Variants in PCDHA13 observed in about 807,000 individuals in gnomAD.
PCDHA13 encodes protocadherin alpha-13.
In PCDHA13, 54 loss-of-function variants were observed where a neutral mutation model predicts 64.8. That is an observed-to-expected ratio of 0.83 (90% CI 0.67 to 1.04). The LOEUF (loss-of-function observed/expected upper bound fraction) is 1.04. Ranked by LOEUF, PCDHA13 falls within the 50% of genes least tolerant of loss-of-function variation. The pLI is 0.00. For synonymous variants in PCDHA13, 587 were observed against 564.4 expected, an observed-to-expected ratio of 1.04 and a Z score of -0.57; for missense variants, 1,248 against 1,254.3, an observed-to-expected ratio of 0.99 and a Z score of 0.08.
chr5:140,914,915 T>G (rs1037949691), intron 1 of PCDHA13, among the ~76,000 whole-genome samples: 8 of 151,746 alleles, frequency 5.3e-5, no homozygotes, highest in Non-Finnish European at 1.0e-4. Context: ...TTTCTCTGTG[T>G]CTTATTGTAC....
intron 1 of PCDHA13, among the ~76,000 whole-genome samples, chr5:140,942,287 G>A (rs1468201947): frequency 1.3e-5 from 2 of 152,102 alleles, no homozygotes; most frequent in African/African-American, 4.8e-5. Context: ...GCTCATGCCT[G>A]TAATCCTAGC....
chr5:140,952,857 G>T (rs2094808262), intron 1 of PCDHA13, among the ~76,000 whole-genome samples: 1 of 152,120 alleles, frequency 6.6e-6, no homozygotes, highest in Non-Finnish European at 1.5e-5. Context: ...TTCTGGGGAG[G>T]CCTCAGGAAA....
intron 3 of PCDHA13, among the ~76,000 whole-genome samples, chr5:140,998,396 T>A (rs2097810780): frequency 6.6e-6 from 1 of 152,212 alleles, no homozygotes. Flanking sequence ...ATGCCATCTT[T>A]ATGCCAAAGT....
intron 3 of PCDHA13, among the ~76,000 whole-genome samples, chr5:141,009,296 T>A (rs889577032): frequency 3.3e-4 from 50 of 152,004 alleles, no homozygotes; most frequent in Non-Finnish European, 5.3e-4. Context: ...TTCTATAAAA[T>A]TTTTTTTAAA....
chr5:140,931,693 A>G (rs1001252056), intron 1 of PCDHA13, among the ~76,000 whole-genome samples: 1 of 152,004 alleles, frequency 6.6e-6, no homozygotes, highest in African/African-American at 2.4e-5. Context: ...ATTGTGATTC[A>G]TAAAACCATG....
Position 140,882,844 on chromosome 5 carries a change from A to G in PCDHA13, c.576A>G (p.Leu192=). 6.2e-7 allele frequency: 1 copy of G among 1,614,248 alleles called. No individual in the cohort carries two copies. Among genetic ancestry groups the G allele is most frequent in the Non-Finnish European group, 8.5e-7 (1 of 1,180,050 alleles). The part of the protein sequence containing the change: ...AQNSLEQMSS[L]SLVLRKTLDR... ...ACAGTCTTGAGCAAATGTCTTCATTATCACTTGTACTGAGGAAAACACTGG... is the reference window on the plus strand; with the variant it reads ...ACAGTCTTGAGCAAATGTCTTCATTGTCACTTGTACTGAGGAAAACACTGG... The change falls in exon 1 of 4, where the codon TTA becomes TTG. Residue 192 remains leucine (L), a synonymous_variant. Coordinates refer to ENST00000289272, the MANE Select transcript of PCDHA13 (RefSeq NM_018904.3).
At chr5:140,888,108 T>C (rs1554183322) in intron 1 of PCDHA13, among the ~76,000 whole-genome samples, 1 of 152,248 alleles carries the variant, frequency 6.6e-6, no homozygotes, top group Non-Finnish European at 1.5e-5. Flanking sequence ...CTTCTTTTAA[T>C]CTATCTTCTT....
chr5:140,969,998 G>A (rs1345371434), intron 1 of PCDHA13, among the ~76,000 whole-genome samples: 2 of 152,220 alleles, frequency 1.3e-5, no homozygotes, highest in Non-Finnish European at 2.9e-5. Flanking sequence ...GGCTGTCAGA[G>A]GGAGTGGATG....
rs1301631971 is a variant in PCDHA13, at chr5:141,011,367, C to G, written c.*1430C>G. ...CAATCTCCCATATGTATGCTGTATG[C>G]TATGCTAAGACTCCTGAAATATACT... On this transcript the variant is annotated 3_prime_UTR_variant, in exon 4 of 4. Transcript: ENST00000289272. The G allele has an allele frequency of 1.3e-5, 2 of 153,830 alleles. No homozygotes were observed. The highest frequency in any genetic ancestry group is 1.3e-4 in the Admixed American group (2 of 15,298). 9.5% of individuals were successfully genotyped at this position (153,830 alleles called of 1,614,324 possible). A position where few individuals can be genotyped will look rare whatever the true frequency, so the allele number is the denominator to read the frequency against.
chr5:140,927,478 C>T (rs959432734), intron 1 of PCDHA13: 12 of 1,613,944 alleles, frequency 7.4e-6, no homozygotes, highest in African/African-American at 1.3e-5. Flanking sequence ...TCGCGAACAG[C>T]GCGCCACCCA....
At chr5:140,959,407 G>A (rs1449444307) in intron 1 of PCDHA13, among the ~76,000 whole-genome samples, 3 of 152,052 alleles carry the variant, frequency 2.0e-5, no homozygotes, top group African/African-American at 7.2e-5. Flanking sequence ...ATAAAGTGTT[G>A]ATTGATCTGA....
chr5:141,009,880 C>T lies in PCDHA13; in HGVS notation c.2796C>T (p.Asn932=). ...AAAAGAAGAAAAAGAAGAAGGGTAACAAGACCCAGGAGAAAAAAGAGAAAG... is the reference window on the plus strand; with the variant it reads ...AAAAGAAGAAAAAGAAGAAGGGTAATAAGACCCAGGAGAAAAAAGAGAAAG... The part of the protein sequence containing the change: ...TKKKKKKKKG[N]KTQEKKEKGN... Residue 932 remains asparagine, a synonymous_variant, in exon 4 of 4, where the codon AAC becomes AAT. Transcript: ENST00000289272. 1 of 1,613,788 alleles carries T rather than the reference C, an allele frequency of 6.2e-7. No individual in the cohort carries two copies. The highest frequency in any genetic ancestry group is 8.5e-7 in the Non-Finnish European group (1 of 1,179,974).
chr5:140,933,244 A>G (rs1218658347), intron 1 of PCDHA13, among the ~76,000 whole-genome samples: 3 of 152,038 alleles, frequency 2.0e-5, no homozygotes, highest in African/African-American at 4.8e-5. Context: ...AGAAAGGACT[A>G]TAAACACAAA....
At chr5:140,944,003 C>T (rs1185007409) in intron 1 of PCDHA13, among the ~76,000 whole-genome samples, 1 of 152,038 alleles carries the variant, frequency 6.6e-6, no homozygotes, top group Admixed American at 6.6e-5. Flanking sequence ...CTACTGAGTA[C>T]CCCCCAAAAG....
At chr5:140,984,405 C>T (rs782109046) in intron 3 of PCDHA13, among the ~76,000 whole-genome samples, 1 of 152,114 alleles carries the variant, frequency 6.6e-6, no homozygotes, top group Non-Finnish European at 1.5e-5. Context: ...GAGAACCTAT[C>T]TTTTTTACAG....
rs1554175394 is a variant in PCDHA13 at position 140,882,740 on chromosome 5, T to A, written c.472T>A (p.Ser158Thr). The A allele has an allele frequency of 6.2e-7, 1 of 1,614,198 alleles. No homozygotes were observed. The highest frequency in any genetic ancestry group is 1.3e-5 in the African/African-American group (1 of 75,042). The change falls in exon 1 of 4, where the codon TCC becomes ACC. Residue 158 changes from serine to threonine, a missense_variant. Ser to Thr is a moderately conservative substitution (Grantham distance 58, BLOSUM62 1). Transcript: ENST00000289272. ...PETRFPLDGA[S>T]DADIGVNSAL... ...AACTCGATTTCCACTAGATGGCGCA[T>A]CCGATGCAGATATTGGAGTAAACTC...
At chr5:140,946,631 T>TATATATATATACACACAC (rs57893927) in intron 1 of PCDHA13, among the ~76,000 whole-genome samples, 1 of 131,846 alleles carries the variant, frequency 7.6e-6, no homozygotes, top group East Asian at 2.0e-4. Context: ...TATATATATA[T>TATATATATATACACACAC]ACAATGGAAT....
chr5:140,946,574 G>A (rs246054), intron 1 of PCDHA13, among the ~76,000 whole-genome samples: 79,382 of 143,554 alleles, frequency 0.55, 22,609 homozygotes, highest in African/African-American at 0.68. Context: ...AATCAACTTA[G>A]GTGTTCATAG....
Position 140,982,517 on chromosome 5 carries a change from A to T in PCDHA13, c.2496A>T (p.Pro832=), listed in dbSNP as rs990701966. The T allele has an allele frequency of 2.5e-5, 41 of 1,614,116 alleles. No individual in the cohort carries two copies. The highest frequency in any genetic ancestry group is 3.4e-5 in the Non-Finnish European group (40 of 1,180,048). Residue 832 remains proline, a synonymous_variant, in exon 3 of 4, where the codon CCA becomes CCT. Coordinates refer to ENST00000289272, the MANE Select transcript of PCDHA13 (RefSeq NM_018904.3). The part of the protein sequence containing the change: ...LEEAGILRAG[P]GGPDQQWPTV... ...AGGCTGGCATTCTACGGGCTGGTCC[A>T]GGAGGGCCTGATCAGCAGTGGCCAA...
Sources: allele counts gnomAD v4.1 joint callset (sites outside exome capture counted in the v4.1 genomes callset), GRCh38; gene constraint gnomAD v4.1.1; transcripts MANE v1.5; gene names NCBI Gene and HGNC (gene_info 2026-07-23, HGNC 2026-07-21).